PLPPR1: variants seen among roughly 807,000 people sequenced by gnomAD.
PLPPR1 encodes the protein phospholipid phosphatase related 1.
In PLPPR1, 10 loss-of-function variants were observed where a neutral mutation model predicts 33.1. The observed-to-expected ratio is 0.30, with a 90% confidence interval of 0.19 to 0.51. The LOEUF is 0.51. Among genes scored for constraint, PLPPR1 ranks in the 20% least tolerant of loss-of-function variants. The pLI is 0.97. For missense variants in PLPPR1, 304 were observed against 408.1 expected (o/e 0.74, Z 2.20); for synonymous variants, 151 against 151.0 (o/e 1.00, Z 0.00).
chr9:101,211,749 T>A (rs1826694927), intron 2 of PLPPR1, among the ~76,000 whole-genome samples: 1 of 152,128 alleles, frequency 6.6e-6, no homozygotes, highest in Non-Finnish European at 1.5e-5. Flanking sequence ...ACAGAAGGAG[T>A]AACTTTCTTC....
intron 2 of PLPPR1, among the ~76,000 whole-genome samples, chr9:101,246,590 A>C (rs2118858503): frequency 6.6e-6 from 1 of 152,116 alleles, no homozygotes; most frequent in Non-Finnish European, 1.5e-5. Context: ...TATAAACCCA[A>C]TCTCTTCCCT....
At chr9:101,161,215 C>A (rs1360829521) in intron 1 of PLPPR1, among the ~76,000 whole-genome samples, 1 of 152,084 alleles carries the variant, frequency 6.6e-6, no homozygotes, top group African/African-American at 2.4e-5. Flanking sequence ...AATATAGGCT[C>A]AATATATAGT....
Position 101,324,102 on chromosome 9 carries a change from T to C in PLPPR1, c.*45T>C. ...GCTGTTTTTTAAAATCATCTTCCAA[T>C]TCTATACTTCAAAACACACAGTTGC... On this transcript the variant is annotated 3_prime_UTR_variant, in exon 8 of 8. Coordinates refer to ENST00000374874, the MANE Select transcript of PLPPR1 (RefSeq NM_207299.2). 6.5e-7 allele frequency: 1 copy of C among 1,542,606 alleles called. No homozygotes were observed. Among genetic ancestry groups the C allele is most frequent in the Non-Finnish European group, 9.0e-7 (1 of 1,116,774 alleles).
intron 1 of PLPPR1, among the ~76,000 whole-genome samples, chr9:101,095,590 A>C (rs1830806758): frequency 6.6e-6 from 1 of 152,222 alleles, no homozygotes; most frequent in Non-Finnish European, 1.5e-5. Context: ...TGCCAGACAT[A>C]AAACTTTCAC....
chr9:101,258,473 A>G lies in PLPPR1; in HGVS notation c.64-11407A>G, dbSNP rs570007566. On this transcript the variant is annotated intron_variant, in intron 2 of 7. Transcript: ENST00000374874. The stretch of plus-strand genomic sequence containing the variant: ...GGAGTTTGCTGACTTCTATTGTTTT[A>G]CCAGAGAGACCTCAAGTTAGCACCA... Among the ~76,000 whole-genome samples, 82 of 152,272 alleles carry G rather than the reference A, an allele frequency of 5.4e-4. No homozygotes were observed. In the South Asian group the frequency reaches 8.7e-3, roughly 16 times the overall value.
chr9:101,182,016 T>C (rs1826123314), intron 1 of PLPPR1, among the ~76,000 whole-genome samples: 1 of 151,298 alleles, frequency 6.6e-6, no homozygotes, highest in South Asian at 2.1e-4. Context: ...TATAGTATAG[T>C]GTTACTATAC....
Position 101,324,224 on chromosome 9 carries a change from A to ATT in PLPPR1, c.*184_*185dup, listed in dbSNP as rs10560929. On this transcript the variant is annotated 3_prime_UTR_variant, in exon 8 of 8. Transcript: ENST00000374874. ...TGAGGAAGTGATGTAGCTTGCCCTG[A>ATT]TTTTTTTTTTTTTTTTTTGGTCAGC... 1.7e-3 allele frequency: 612 copies of ATT among 356,934 alleles called. No individual in the cohort carries two copies. The highest frequency in any genetic ancestry group is 2.8e-3 in the East Asian group (67 of 24,032). 22.1% of individuals were successfully genotyped at this position (356,934 alleles called of 1,614,324 possible). A position where few individuals can be genotyped will look rare whatever the true frequency, so the allele number is the denominator to read the frequency against.
intron 2 of PLPPR1, among the ~76,000 whole-genome samples, chr9:101,250,078 C>T (rs1827690069): frequency 6.6e-6 from 1 of 152,040 alleles, no homozygotes; most frequent in African/African-American, 2.4e-5. Context: ...TTTTAAATGA[C>T]TGCATTTCTA....
chr9:101,094,610 T>C (rs1239038532), intron 1 of PLPPR1, among the ~76,000 whole-genome samples: 1 of 152,206 alleles, frequency 6.6e-6, no homozygotes, highest in African/African-American at 2.4e-5. Context: ...CATTATATAG[T>C]TGTTGAATTA....
At chr9:101,069,139 G>GGA (rs1554723570) in intron 1 of PLPPR1, among the ~76,000 whole-genome samples, 1 of 149,706 alleles carries the variant, frequency 6.7e-6, no homozygotes, top group African/African-American at 2.5e-5. Flanking sequence ...ATTTGTTTAG[G>GGA]AAAAAAAAAA....
intron 1 of PLPPR1, among the ~76,000 whole-genome samples, chr9:101,055,506 C>T (rs1423480048): frequency 1.3e-5 from 2 of 152,204 alleles, no homozygotes; most frequent in Admixed American, 6.5e-5. Context: ...ATTAGACACT[C>T]TCATTTCAAA....
chr9:101,102,812 T>G (rs1449995205), intron 1 of PLPPR1, among the ~76,000 whole-genome samples: 11 of 109,346 alleles, frequency 1.0e-4, no homozygotes, highest in Non-Finnish European at 1.8e-4. Context: ...CACCTGTTGT[T>G]TCCTGACTTT....
At chr9:101,148,539 T>C (rs1456358302) in intron 1 of PLPPR1, among the ~76,000 whole-genome samples, 1 of 152,226 alleles carries the variant, frequency 6.6e-6, no homozygotes, top group Non-Finnish European at 1.5e-5. Context: ...ACTCCCATTA[T>C]GTGAGGTTAA....
chr9:101,264,231 G>T (rs1827947543), intron 2 of PLPPR1, among the ~76,000 whole-genome samples: 1 of 152,078 alleles, frequency 6.6e-6, no homozygotes, highest in Non-Finnish European at 1.5e-5. Flanking sequence ...TTGCTTTCAT[G>T]TCACAACCGT....
At chr9:101,136,983 G>A (rs1297680996) in intron 1 of PLPPR1, among the ~76,000 whole-genome samples, 2 of 152,252 alleles carry the variant, frequency 1.3e-5, no homozygotes, top group South Asian at 2.1e-4. Flanking sequence ...ATGGCTAAAA[G>A]TATAATTGGA....
chr9:101,263,150 T>C lies in PLPPR1; in HGVS notation c.64-6730T>C, dbSNP rs547022926. On this transcript the variant is annotated intron_variant, in intron 2 of 7. Transcript: ENST00000374874. ...CACATGTATCCCAGAACTTAAAGTA[T>C]AATTTAAAAAAAGAAAAATTTTAAA... is the stretch of plus-strand genomic sequence containing the variant. 3.9e-5 allele frequency among the ~76,000 whole-genome samples: 6 copies of C among 152,250 alleles called. No individual in the cohort carries two copies. In the East Asian group the frequency reaches 7.7e-4, roughly 20 times the overall value.
At chr9:101,060,777 A>G (rs1361351722) in intron 1 of PLPPR1, among the ~76,000 whole-genome samples, 1 of 151,926 alleles carries the variant, frequency 6.6e-6, no homozygotes, top group African/African-American at 2.4e-5. Context: ...ATTTCTATAT[A>G]TAACTTATTC....
Position 101,324,067 on chromosome 9 carries a change from TG to T in PLPPR1, c.*11del. 6.2e-7 allele frequency: 1 copy of T among 1,610,262 alleles called. No individual in the cohort carries two copies. The highest frequency in any genetic ancestry group is 8.5e-7 in the Non-Finnish European group (1 of 1,176,784). On this transcript the variant is annotated 3_prime_UTR_variant, in exon 8 of 8. Coordinates refer to ENST00000374874, the MANE Select transcript of PLPPR1 (RefSeq NM_207299.2). The stretch of plus-strand genomic sequence containing the variant: ...GACCGAAGTTACCTGAGACGACTGA[TG>T]TGTCACAAGCTGTTTTTTAAAATCA...
chr9:101,097,675 C>T (rs10819901), intron 1 of PLPPR1, among the ~76,000 whole-genome samples: 106,738 of 151,980 alleles, frequency 0.7, 37,623 homozygotes, highest in East Asian at 0.89. Flanking sequence ...AATGCAGCAA[C>T]GAGTGTCCAA....
Sources: gnomAD v4.1 joint callset for allele counts (sites outside exome capture counted in the v4.1 genomes callset) on GRCh38, gnomAD v4.1.1 for gene constraint, MANE v1.5 for transcripts, NCBI Gene and HGNC (gene_info 2026-07-23, HGNC 2026-07-21) for gene names.